CAST: variants seen among roughly 807,000 people sequenced by gnomAD.
CAST encodes MIR583 host.
In CAST, 76 loss-of-function variants were observed where a neutral mutation model predicts 119.6. That is an observed-to-expected ratio of 0.64 (90% CI 0.53 to 0.77). The LOEUF is 0.77. CAST is among the 30% of genes least tolerant of loss of function. The pLI is 0.00. For synonymous variants in CAST, 319 were observed against 331.6 expected (o/e 0.96, Z 0.41); for missense variants, 953 against 946.5 (o/e 1.01, Z -0.09).
rs145735968 is a variant in CAST, at chr5:96,613,870, A to G, written c.61-61669A>G. 1.1e-4 allele frequency among the ~76,000 whole-genome samples: 16 copies of G among 152,308 alleles called. No homozygotes were observed. The South Asian group carries it at 1.4e-3, about 14-fold the overall frequency. ...TTTAGGTATTCCCAAATGTCTTTCA[A>G]TGAAATTTTATACTTTTTAAAATAA... is the stretch of plus-strand genomic sequence containing the variant. On this transcript the variant is annotated intron_variant, in intron 1 of 11. Coordinates refer to the CAST transcript ENST00000505143.
At chr5:96,146,862 G>A in the CAST span, among the ~76,000 whole-genome samples, 1 of 152,168 alleles carries the variant, frequency 6.6e-6, no homozygotes, top group Admixed American at 6.5e-5. Context: ...GCTGAGGCAG[G>A]GGAAGAAAAG....
chr5:96,379,038 T>C, the CAST span, among the ~76,000 whole-genome samples: 1 of 152,214 alleles, frequency 6.6e-6, no homozygotes, highest in African/African-American at 2.4e-5. Context: ...ATTCGTGCAT[T>C]CTGCAATTAG....
chr5:96,039,805 G>A, the CAST span, among the ~76,000 whole-genome samples: 4 of 152,120 alleles, frequency 2.6e-5, no homozygotes, highest in Admixed American at 6.5e-5. Context: ...GTCAGGTAGC[G>A]TGATGCCTCC....
the CAST span, among the ~76,000 whole-genome samples, chr5:96,284,323 C>T: frequency 6.6e-6 from 1 of 152,152 alleles, no homozygotes; most frequent in African/African-American, 2.4e-5. Context: ...CAATCAAGTG[C>T]TCTGGGATTT....
At chr5:95,961,846 T>C in the CAST span, 6 of 1,263,896 alleles carry the variant, frequency 4.7e-6, no homozygotes, top group Admixed American at 3.4e-5. Flanking sequence ...CGTACTGTCA[T>C]ATACTGCGCG....
At chr5:96,349,139 ATTT>A in the CAST span, among the ~76,000 whole-genome samples, 2 of 89,634 alleles carry the variant, frequency 2.2e-5, 1 homozygote, top group Admixed American at 2.3e-4. Context: ...CAAGGACACT[ATTT>A]TTTTTTTTTT....
chr5:96,699,930 TTTCCTCCC>T (rs1354887742), intron 3 of CAST, among the ~76,000 whole-genome samples: 4 of 152,294 alleles, frequency 2.6e-5, no homozygotes, highest in Non-Finnish European at 5.9e-5. Flanking sequence ...CGCAAACAAC[TTTCCTCCC>T]AGCCTAGACA....
chr5:96,587,743 G>A (rs1469133631), intron 1 of CAST, among the ~76,000 whole-genome samples: 1 of 152,176 alleles, frequency 6.6e-6, no homozygotes, highest in East Asian at 1.9e-4. Flanking sequence ...AGGAAATGCT[G>A]ATTGAGAAAC....
chr5:96,661,810 G>T (rs138548660), upstream of CAST, among the ~76,000 whole-genome samples: 2 of 152,312 alleles, frequency 1.3e-5, no homozygotes, highest in African/African-American at 2.4e-5. Context: ...ATTCGAAACT[G>T]CCAAAAAACA....
At chr5:96,509,244 A>T in the CAST span, among the ~76,000 whole-genome samples, 3 of 152,368 alleles carry the variant, frequency 2.0e-5, no homozygotes, top group Admixed American at 1.3e-4. Context: ...CTACAATCTG[A>T]GGAATAGGTC....
chr5:96,444,304 A>G, the CAST span, among the ~76,000 whole-genome samples: 1 of 152,216 alleles, frequency 6.6e-6, no homozygotes, highest in African/African-American at 2.4e-5. Context: ...TGGTGATGGA[A>G]GTAAGACTCA....
At chr5:96,007,106 A>C in the CAST span, among the ~76,000 whole-genome samples, 1 of 152,180 alleles carries the variant, frequency 6.6e-6, no homozygotes, top group African/African-American at 2.4e-5. Context: ...TTTTAAGGTC[A>C]TATTCTTCAA....
At chr5:96,025,718 G>A in the CAST span, among the ~76,000 whole-genome samples, 1 of 152,186 alleles carries the variant, frequency 6.6e-6, no homozygotes, top group Admixed American at 6.5e-5. Flanking sequence ...GCTCAATACA[G>A]AGAGAATTTG....
chr5:96,618,119 C>A (rs1747506235), intron 1 of CAST, among the ~76,000 whole-genome samples: 1 of 152,174 alleles, frequency 6.6e-6, no homozygotes, highest in Admixed American at 6.5e-5. Flanking sequence ...TCCACGCAGT[C>A]CTACAGGGCT....
intron 24 of CAST, among the ~76,000 whole-genome samples, chr5:96,760,096 G>A (rs1259258885): frequency 6.6e-6 from 1 of 151,960 alleles, no homozygotes; most frequent in African/African-American, 2.4e-5. Flanking sequence ...GCATAAATAT[G>A]TCATGAAAAA....
At chr5:96,617,964 T>C (rs1747503383) in intron 1 of CAST, among the ~76,000 whole-genome samples, 1 of 152,162 alleles carries the variant, frequency 6.6e-6, no homozygotes, top group Non-Finnish European at 1.5e-5. Flanking sequence ...TTTGCCTAGC[T>C]GGACAGGAAC....
chr5:96,285,049 T>C, the CAST span, among the ~76,000 whole-genome samples: 2 of 152,242 alleles, frequency 1.3e-5, no homozygotes, highest in East Asian at 3.8e-4. Context: ...TTCTTATCTG[T>C]GAAGAGAGTA....
At chr5:96,671,718 C>T (rs1292425033) in intron 1 of CAST, among the ~76,000 whole-genome samples, 1 of 152,184 alleles carries the variant, frequency 6.6e-6, no homozygotes, top group Non-Finnish European at 1.5e-5. Flanking sequence ...GTTCTCTTTC[C>T]CCAGCTGTCA....
the CAST span, among the ~76,000 whole-genome samples, chr5:96,503,431 G>A: frequency 6.6e-6 from 1 of 152,046 alleles, no homozygotes; most frequent in African/African-American, 2.4e-5. Context: ...TGAAGACATG[G>A]TTCCATTTCT....
Sources: gnomAD v4.1 joint callset for allele counts (sites outside exome capture counted in the v4.1 genomes callset) on GRCh38, gnomAD v4.1.1 for gene constraint, MANE v1.5 for transcripts, NCBI Gene and HGNC (gene_info 2026-07-23, HGNC 2026-07-21) for gene names.